ESYT2: variants seen among roughly 807,000 people sequenced by gnomAD.
The protein encoded by ESYT2 is extended synaptotagmin 2, also known as extended synaptotagmin-2.
A neutral mutation model predicts 107.2 loss-of-function variants in ESYT2; 54 were observed. The ratio of observed to expected loss-of-function variants is 0.50; its 90% CI spans 0.40 to 0.63. The LOEUF (loss-of-function observed/expected upper bound fraction) is 0.63, where lower values mean the gene tolerates loss of function less well. ESYT2 is among the 30% of genes least tolerant of loss of function. The pLI is 0.00. For missense variants in ESYT2, 1,020 were observed against 1,094.5 expected, an observed-to-expected ratio of 0.93 and a Z score of 0.96; for synonymous variants, 491 against 434.1, an observed-to-expected ratio of 1.13 and a Z score of -1.63.
intron 9 of ESYT2, among the ~76,000 whole-genome samples, chr7:158,763,985 G>C (rs1159716775): frequency 6.6e-6 from 1 of 152,100 alleles, no homozygotes; most frequent in East Asian, 1.9e-4. Flanking sequence ...TGTTCTGAAG[G>C]GTAATTCTAC....
chr7:158,782,343 TGA>T (rs1361891850), intron 6 of ESYT2, among the ~76,000 whole-genome samples: 32 of 123,926 alleles, frequency 2.6e-4, no homozygotes, highest in African/African-American at 7.8e-4. Flanking sequence ...GTGTGAGGTG[TGA>T]GTGTAAGAAC....
chr7:158,756,914 T>TA (rs201326042), intron 13 of ESYT2, among the ~76,000 whole-genome samples: 1,929 of 98,664 alleles, frequency 0.02, 34 homozygotes, highest in African/African-American at 0.057. Context: ...CATCTCAAAT[T>TA]AAAAAAAAAA....
chr7:158,822,773 T>C (rs935153979), intron 1 of ESYT2, among the ~76,000 whole-genome samples: 1 of 151,402 alleles, frequency 6.6e-6, no homozygotes, highest in African/African-American at 2.4e-5. Flanking sequence ...ACAGTGAGAC[T>C]CCAGCTCAAA....
chr7:158,754,073 C>T (rs545911477), intron 13 of ESYT2, among the ~76,000 whole-genome samples: 61 of 152,294 alleles, frequency 4.0e-4, no homozygotes, highest in Admixed American at 7.2e-4. Context: ...GGGGATGAGA[C>T]AGACTAGACC....
chr7:158,734,259 AAG>A lies in ESYT2; in HGVS notation c.2556-9_2556-8del. 1 of 1,614,120 alleles carries A rather than the reference AAG, an allele frequency of 6.2e-7. No homozygotes were observed. Among genetic ancestry groups the A allele is most frequent in the South Asian group, 1.1e-5 (1 of 91,062 alleles). On this transcript the variant is annotated splice_region_variant and splice_polypyrimidine_tract_variant and intron_variant, in intron 22 of 22. Coordinates refer to ENST00000275418, the MANE Select transcript of ESYT2 (RefSeq NM_001367773.1). ...ATCTTCCGTGAGGTCATACCTGAGA[AAG>A]ACAGTGACAGGAAGGTGGTGACGGA... is the stretch of plus-strand genomic sequence containing the variant.
At chr7:158,762,784 C>T (rs930541215) in intron 10 of ESYT2, among the ~76,000 whole-genome samples, 8 of 152,188 alleles carry the variant, frequency 5.3e-5, no homozygotes, top group African/African-American at 1.9e-4. Context: ...TAGCTTTAAG[C>T]CTTGTAAACA....
intron 18 of ESYT2, among the ~76,000 whole-genome samples, 195 bp from the exon 19 acceptor site, chr7:158,739,316 T>C (rs7804422): frequency 0.24 from 36,084 of 152,182 alleles, 5,154 homozygotes; most frequent in East Asian, 0.59. Context: ...GGGTTCAATA[T>C]AAATTAATTA....
At chr7:158,795,810 T>C (rs966202624) in intron 3 of ESYT2, among the ~76,000 whole-genome samples, 1 of 152,266 alleles carries the variant, frequency 6.6e-6, no homozygotes, top group African/African-American at 2.4e-5. Flanking sequence ...GGGCTCGTCC[T>C]ACGGGCGTCC....
At chr7:158,819,875 A>G (rs1840243557) in intron 1 of ESYT2, among the ~76,000 whole-genome samples, 1 of 152,244 alleles carries the variant, frequency 6.6e-6, no homozygotes. Context: ...ACAATTTTAC[A>G]AGTAATAAAG....
chr7:158,775,365 G>A (rs1403012303), intron 6 of ESYT2, among the ~76,000 whole-genome samples: 1 of 124,572 alleles, frequency 8.0e-6, no homozygotes, highest in Admixed American at 9.1e-5. Context: ...TTTCAAAAAA[G>A]ATTTCTCTGT....
In ESYT2 at chr7:158,800,380, A is replaced by G. The variant is rs556227504; in HGVS notation, c.331-1308T>C. ...TTTATTTTAGCCCCAATGGCAGAGAAAATATTTTCTTTCTTTTTTTAAATC... is the reference window on the plus strand; with the variant it reads ...TTTATTTTAGCCCCAATGGCAGAGAGAATATTTTCTTTCTTTTTTTAAATC... On this transcript the variant is annotated intron_variant, in intron 1 of 22. Transcript: ENST00000275418. 3.9e-5 allele frequency among the ~76,000 whole-genome samples: 6 copies of G among 151,906 alleles called. No individual in the cohort carries two copies. In the South Asian group the frequency reaches 1.2e-3, roughly 32 times the overall value.
At chr7:158,799,997 T>C (rs916714056) in intron 1 of ESYT2, among the ~76,000 whole-genome samples, 8 of 152,166 alleles carry the variant, frequency 5.3e-5, no homozygotes, top group African/African-American at 1.9e-4. Context: ...ACATTAGACA[T>C]GTTTCTATAC....
chr7:158,762,532 A>T (rs1226569253), intron 10 of ESYT2, among the ~76,000 whole-genome samples: 3 of 150,342 alleles, frequency 2.0e-5, no homozygotes, highest in African/African-American at 7.4e-5. Flanking sequence ...AATTAGGTTA[A>T]ATTAATCAGA....
Position 158,739,062 on chromosome 7 carries a change from G to A in ESYT2, c.2228C>T (p.Ser743Leu), listed in dbSNP as rs776040746. ...GQIQLTIRHS[S>L]QRNKLIVVVH... ...GACCACGATAAGCTTGTTTCTCTGC[G>A]AGCTGTGCCGGATGGTCAGCTGGAT... Residue 743 changes from serine (S) to leucine (L), a missense_variant, in exon 19 of 23, where the codon TCG becomes TTG. Physicochemically the swap from Ser to Leu is moderately radical, Grantham distance 145. Transcript: ENST00000275418. 2.5e-6 allele frequency: 4 copies of A among 1,614,016 alleles called. No individual in the cohort carries two copies. The highest frequency in any genetic ancestry group is 1.3e-5 in the African/African-American group (1 of 74,928).
intron 1 of ESYT2, among the ~76,000 whole-genome samples, chr7:158,803,560 A>C (rs1839707259): frequency 6.6e-6 from 1 of 152,240 alleles, no homozygotes; most frequent in Non-Finnish European, 1.5e-5. Flanking sequence ...TTAAATATTT[A>C]AAATGTTTTA....
chr7:158,740,874 A>G (rs1032607301), intron 18 of ESYT2, among the ~76,000 whole-genome samples: 44 of 152,164 alleles, frequency 2.9e-4, no homozygotes, highest in Non-Finnish European at 5.6e-4. Context: ...CTATTTTCTT[A>G]TTATTCAACA....
intron 3 of ESYT2, among the ~76,000 whole-genome samples, chr7:158,794,460 C>T (rs931401549): frequency 2.0e-5 from 3 of 152,314 alleles, no homozygotes; most frequent in African/African-American, 7.2e-5. Flanking sequence ...TGCCACTGCA[C>T]TCCTGACTAG....
At chr7:158,758,458 T>G (rs1025971315) in intron 13 of ESYT2, among the ~76,000 whole-genome samples, 25 of 152,086 alleles carry the variant, frequency 1.6e-4, no homozygotes, top group Admixed American at 6.5e-5. Context: ...TGTCAAGAAG[T>G]GAGTTAAACG....
chr7:158,794,957 T>G (rs900926170), intron 3 of ESYT2, among the ~76,000 whole-genome samples: 1 of 152,180 alleles, frequency 6.6e-6, no homozygotes, highest in African/African-American at 2.4e-5. Flanking sequence ...AGCTAAGCCA[T>G]GTACAGACTG....
Sources: gnomAD v4.1 joint callset for allele counts (sites outside exome capture counted in the v4.1 genomes callset) on GRCh38, gnomAD v4.1.1 for gene constraint, MANE v1.5 for transcripts, NCBI Gene and HGNC (gene_info 2026-07-23, HGNC 2026-07-21) for gene names.